Variants in FGF14 observed in about 807,000 individuals in gnomAD.
FGF14 encodes fibroblast growth factor 14.
In FGF14, 5 loss-of-function variants were observed where a neutral mutation model predicts 25.5. The ratio of observed to expected loss-of-function variants is 0.20; its 90% CI spans 0.10 to 0.41. The LOEUF (loss-of-function observed/expected upper bound fraction) is 0.41, where lower values mean the gene tolerates loss of function less well. Among genes scored for constraint, FGF14 ranks in the 10% least tolerant of loss-of-function variants. FGF14 has a pLI of 1.00. For missense variants in FGF14, 222 were observed against 320.1 expected, an observed-to-expected ratio of 0.69 and a Z score of 2.34; for synonymous variants, 138 against 118.3, an observed-to-expected ratio of 1.17 and a Z score of -1.08.
chr13:102,043,492 C>A (rs2140009921), intron 1 of FGF14, among the ~76,000 whole-genome samples: 1 of 152,170 alleles, frequency 6.6e-6, no homozygotes, highest in East Asian at 1.9e-4. Context: ...TTTAGAAGGG[C>A]AAGTACTTGA....
At chr13:102,074,581 T>G (rs1213220745) in intron 1 of FGF14, among the ~76,000 whole-genome samples, 1 of 152,202 alleles carries the variant, frequency 6.6e-6, no homozygotes, top group Non-Finnish European at 1.5e-5. Context: ...CTTCTAAACA[T>G]TTTATGAGGC....
intron 3 of FGF14, among the ~76,000 whole-genome samples, chr13:101,822,580 AT>A (rs2042210421): frequency 6.6e-6 from 1 of 151,876 alleles, no homozygotes; most frequent in Non-Finnish European, 1.5e-5. Flanking sequence ...TCTTAACAGT[AT>A]TGAGTCTTCC....
chr13:101,853,602 C>T (rs1304998399), intron 3 of FGF14, among the ~76,000 whole-genome samples: 1 of 151,912 alleles, frequency 6.6e-6, no homozygotes, highest in Non-Finnish European at 1.5e-5. Context: ...GTGCACACTA[C>T]CACACCTGGA....
intron 2 of FGF14, among the ~76,000 whole-genome samples, chr13:101,874,921 CAG>C (rs2045313064): frequency 6.6e-6 from 1 of 151,968 alleles, no homozygotes; most frequent in African/African-American, 2.4e-5. Context: ...TTAAAAGTAA[CAG>C]TAATTTTCTG....
intron 4 of FGF14, among the ~76,000 whole-genome samples, chr13:101,723,955 C>T (rs1483881282): frequency 6.6e-6 from 1 of 152,074 alleles, no homozygotes; most frequent in African/African-American, 2.4e-5. Flanking sequence ...GATGAACTAC[C>T]ATATGCATTC....
intron 1 of FGF14, among the ~76,000 whole-genome samples, chr13:102,153,907 G>T (rs1316158445): frequency 6.6e-6 from 1 of 152,024 alleles, no homozygotes; most frequent in East Asian, 1.9e-4. Flanking sequence ...TTATAAAGGT[G>T]GTCTTATCTA....
intron 1 of FGF14, among the ~76,000 whole-genome samples, chr13:102,277,795 A>G (rs1244605563): frequency 1.3e-5 from 2 of 152,236 alleles, no homozygotes; most frequent in Non-Finnish European, 2.9e-5. Context: ...TGAACCCACA[A>G]AAGTGCTCCT....
At chr13:102,135,495 A>C (rs923324412) in intron 1 of FGF14, among the ~76,000 whole-genome samples, 2 of 152,230 alleles carry the variant, frequency 1.3e-5, no homozygotes, top group African/African-American at 4.8e-5. Context: ...ATTCTCATTA[A>C]AATTTTTTTA....
At position 101,731,029 on chromosome 13, in the gene FGF14, C is replaced by A. The variant is rs973525342; in HGVS notation, c.409-4219G>T. Among the ~76,000 whole-genome samples, 3 of 152,076 alleles carry A rather than the reference C, an allele frequency of 2.0e-5. No individual in the cohort carries two copies. The South Asian group carries it at 6.2e-4, about 32-fold the overall frequency. On this transcript the variant is annotated intron_variant, in intron 3 of 4. Transcript: ENST00000376143. ...CTCCTTTTAACATTGGCAACTATTT[C>A]TTAGTTTTTGTTTTTCAACCTTGAG...
chr13:101,875,425 A>G, intron 1 of FGF14, 129 bp from the exon 2 acceptor site: 1 of 708,760 alleles, frequency 1.4e-6, no homozygotes, highest in African/African-American at 1.8e-5. Flanking sequence ...TTTGTCTCTC[A>G]GATTCTTCTG....
intron 1 of FGF14, among the ~76,000 whole-genome samples, chr13:102,203,432 C>T (rs1040087336): frequency 5.9e-5 from 9 of 152,150 alleles, no homozygotes; most frequent in Non-Finnish European, 1.3e-4. Context: ...TGGGGAGAGG[C>T]ACTGGGTGGC....
intron 1 of FGF14, among the ~76,000 whole-genome samples, chr13:102,112,071 G>A (rs890592578): frequency 6.6e-6 from 1 of 151,438 alleles, no homozygotes; most frequent in Non-Finnish European, 1.5e-5. Flanking sequence ...ATTATTATTA[G>A]CATTTATTAA....
intron 1 of FGF14, among the ~76,000 whole-genome samples, chr13:102,123,855 G>GAC (rs1197299078): frequency 6.6e-6 from 1 of 152,086 alleles, no homozygotes; most frequent in Admixed American, 6.6e-5. Context: ...TTAAATGTTT[G>GAC]ACATTAGAAG....
intron 1 of FGF14, among the ~76,000 whole-genome samples, chr13:101,884,461 C>G (rs1165368768): frequency 4.6e-5 from 7 of 152,022 alleles, no homozygotes; most frequent in Non-Finnish European, 8.8e-5. Flanking sequence ...TAGAGTGACA[C>G]CAAGATGGAA....
chr13:102,145,370 AC>A (rs2046813437), intron 1 of FGF14, among the ~76,000 whole-genome samples: 1 of 152,158 alleles, frequency 6.6e-6, no homozygotes, highest in Non-Finnish European at 1.5e-5. Flanking sequence ...GCTGTCTTGC[AC>A]CCATAGGGCT....
intron 3 of FGF14, among the ~76,000 whole-genome samples, chr13:101,864,608 T>C (rs897788629): frequency 1.3e-5 from 2 of 152,070 alleles, no homozygotes; most frequent in Non-Finnish European, 2.9e-5. Flanking sequence ...TTGCAAAACA[T>C]GGTAACCTTG....
chr13:102,054,902 A>G (rs997632558), intron 1 of FGF14, among the ~76,000 whole-genome samples: 10 of 152,176 alleles, frequency 6.6e-5, no homozygotes, highest in African/African-American at 2.4e-4. Flanking sequence ...CTCTGAAACT[A>G]TCACTCCCGC....
In FGF14 at chr13:102,356,872, T is replaced by C. The variant is rs184091044; in HGVS notation, c.208+44599A>G. Among the ~76,000 whole-genome samples, 74 of 150,272 alleles carry C rather than the reference T, an allele frequency of 4.9e-4. No homozygotes were observed. The East Asian group carries it at 6.0e-3, about 12-fold the overall frequency. ...GAGACTGGAAGATAATTATAACTTA[T>C]TAAGTAAAAAAAAAAATGCCAGAAC... On this transcript the variant is annotated intron_variant, in intron 1 of 4. Transcript: ENST00000376131.
intron 1 of FGF14, among the ~76,000 whole-genome samples, chr13:102,031,725 T>C (rs1252176724): frequency 1.3e-5 from 2 of 150,916 alleles, no homozygotes; most frequent in African/African-American, 4.9e-5. Flanking sequence ...TGAAGAGCAC[T>C]GAGTCCATAA....
Sources: gnomAD v4.1 joint callset for allele counts (sites outside exome capture counted in the v4.1 genomes callset) on GRCh38, gnomAD v4.1.1 for gene constraint, MANE v1.5 for transcripts, NCBI Gene and HGNC (gene_info 2026-07-23, HGNC 2026-07-21) for gene names.